SCD5: variants seen among roughly 807,000 people sequenced by gnomAD.
SCD5 encodes stearoyl-CoA desaturase 5.
In SCD5, 20 loss-of-function variants were observed where a neutral mutation model predicts 30.4. The observed-to-expected ratio is 0.66, with a 90% confidence interval of 0.46 to 0.96. SCD5 has a LOEUF of 0.96. Ranked by LOEUF, SCD5 falls within the 40% of genes least tolerant of loss-of-function variation. The pLI is 0.00. For synonymous variants in SCD5, 173 were observed against 176.4 expected (o/e 0.98, Z 0.16); for missense variants, 381 against 443.3 (o/e 0.86, Z 1.26).
At chr4:82,720,623 T>A (rs1720351315) in intron 1 of SCD5, among the ~76,000 whole-genome samples, 1 of 152,096 alleles carries the variant, frequency 6.6e-6, no homozygotes, top group Non-Finnish European at 1.5e-5. Context: ...TCCCCAATTG[T>A]GTCTGATGCT....
intron 1 of SCD5, among the ~76,000 whole-genome samples, chr4:82,778,857 A>C (rs902349058): frequency 2.3e-4 from 35 of 151,570 alleles, no homozygotes; most frequent in Non-Finnish European, 3.8e-4. Flanking sequence ...TAAGTTTGCC[A>C]ACTAGCTAAT....
chr4:82,631,281 T>G lies in SCD5; in HGVS notation c.*46A>C. The G allele has an allele frequency of 6.4e-7, 1 of 1,551,388 alleles. No homozygotes were observed. The highest frequency in any genetic ancestry group is 8.8e-7 in the Non-Finnish European group (1 of 1,135,340). On this transcript the variant is annotated 3_prime_UTR_variant, in exon 5 of 5. Transcript: ENST00000319540. ...AAGAGAGCTATTGTAACCAAAGCCATGAACCGAGGTTGCAACGGCAGACAT... is the reference window on the plus strand; with the variant it reads ...AAGAGAGCTATTGTAACCAAAGCCAGGAACCGAGGTTGCAACGGCAGACAT...
At chr4:82,778,528 T>C (rs1468181911) in intron 1 of SCD5, among the ~76,000 whole-genome samples, 1 of 152,218 alleles carries the variant, frequency 6.6e-6, no homozygotes, top group Non-Finnish European at 1.5e-5. Context: ...CTAGGGGCTA[T>C]TCCTGGCCAG....
Position 82,658,002 on chromosome 4 carries a change from T to C in SCD5, c.570-21179A>G, listed in dbSNP as rs1425266791. Among the ~76,000 whole-genome samples, 3 of 152,272 alleles carry C rather than the reference T, an allele frequency of 2.0e-5. No individual in the cohort carries two copies. The East Asian group carries it at 5.8e-4, about 29-fold the overall frequency. On this transcript the variant is annotated intron_variant, in intron 3 of 4. Transcript: ENST00000319540. ...AGCTTAAGGAGATTTTGGGCTAAGA[T>C]GATGGGGTTTTCTAAATATACAATC...
intron 1 of SCD5, among the ~76,000 whole-genome samples, chr4:82,718,107 A>G (rs1311400145): frequency 1.3e-5 from 2 of 150,716 alleles, no homozygotes; most frequent in African/African-American, 4.9e-5. Context: ...CAATCTCTCT[A>G]AGGGAATAAA....
At chr4:82,644,349 G>A (rs1223010485) in intron 3 of SCD5, among the ~76,000 whole-genome samples, 3 of 152,120 alleles carry the variant, frequency 2.0e-5, no homozygotes, top group Admixed American at 2.0e-4. Flanking sequence ...CCAAGGACCT[G>A]CTCCAGTAAA....
intron 3 of SCD5, among the ~76,000 whole-genome samples, chr4:82,650,477 CCT>C (rs1560524204): frequency 6.6e-6 from 1 of 152,176 alleles, no homozygotes; most frequent in Non-Finnish European, 1.5e-5. Flanking sequence ...CAGTGGATTA[CCT>C]GAGCCCAGGA....
chr4:82,757,796 G>A (rs1721264716), intron 1 of SCD5, among the ~76,000 whole-genome samples: 1 of 152,188 alleles, frequency 6.6e-6, no homozygotes, highest in South Asian at 2.1e-4. Flanking sequence ...CTTTGTACCT[G>A]GAACATCCTA....
chr4:82,767,628 G>C (rs567820549), intron 1 of SCD5, among the ~76,000 whole-genome samples: 2 of 152,286 alleles, frequency 1.3e-5, no homozygotes, highest in South Asian at 4.1e-4. Context: ...GGAAGCAGAA[G>C]CCTAAATTGT....
At chr4:82,688,802 T>C (rs1430010855) in intron 2 of SCD5, among the ~76,000 whole-genome samples, 2 of 152,266 alleles carry the variant, frequency 1.3e-5, no homozygotes, top group African/African-American at 4.8e-5. Flanking sequence ...AAATGTTTCA[T>C]ATTTTCTTCT....
chr4:82,680,728 G>A lies in SCD5; in HGVS notation c.548C>T (p.Pro183Leu). ...KLDVTDLLAD[P>L]VVRIQRKYYK... ...TTACTTTCTCTGGATCCGGACCACA[G>A]GATCAGCAAGCAGGTCAGTGACGTC... The change falls in exon 3 of 5, where the codon CCT (proline) becomes CTT (leucine). Residue 183 changes from proline to leucine, a missense_variant. By Grantham distance (98) the Pro-to-Leu change is moderately conservative. Transcript: ENST00000319540. The A allele has an allele frequency of 6.2e-7, 1 of 1,614,092 alleles. No homozygotes were observed.
chr4:82,653,457 C>T (rs953060621), intron 3 of SCD5, among the ~76,000 whole-genome samples: 2 of 152,140 alleles, frequency 1.3e-5, no homozygotes, highest in African/African-American at 4.8e-5. Flanking sequence ...ACTTGACCTT[C>T]AGGATCCAGA....
chr4:82,633,501 A>G (rs966152471), intron 4 of SCD5, among the ~76,000 whole-genome samples: 1 of 152,226 alleles, frequency 6.6e-6, no homozygotes, highest in Non-Finnish European at 1.5e-5. Context: ...TATACCCAGA[A>G]GTAGGATTGC....
At chr4:82,697,362 T>C (rs1382974601) in intron 2 of SCD5, among the ~76,000 whole-genome samples, 1 of 152,244 alleles carries the variant, frequency 6.6e-6, no homozygotes, top group Non-Finnish European at 1.5e-5. Flanking sequence ...CTAATCGCCT[T>C]AAAGTGGTTA....
intron 1 of SCD5, among the ~76,000 whole-genome samples, chr4:82,724,216 T>A (rs532021285): frequency 1.3e-5 from 2 of 152,348 alleles, no homozygotes; most frequent in South Asian, 4.1e-4. Context: ...TGACAGTTGA[T>A]AACAAATACC....
At chr4:82,669,605 T>TA (rs1314849332) in intron 3 of SCD5, among the ~76,000 whole-genome samples, 1 of 152,222 alleles carries the variant, frequency 6.6e-6, no homozygotes, top group Non-Finnish European at 1.5e-5. Context: ...GTCTGAAGGT[T>TA]AAAATCTCCA....
chr4:82,662,857 C>CAAAAAAAAAAAAAAAA (rs11340677), intron 3 of SCD5, among the ~76,000 whole-genome samples: 1 of 72,848 alleles, frequency 1.4e-5, no homozygotes, highest in Non-Finnish European at 2.8e-5. Context: ...AACTCCGTCT[C>CAAAAAAAAAAAAAAAA]AAAAAAAAAA....
At chr4:82,683,503 T>C (rs1399500414) in intron 2 of SCD5, among the ~76,000 whole-genome samples, 1 of 152,218 alleles carries the variant, frequency 6.6e-6, no homozygotes, top group Non-Finnish European at 1.5e-5. Flanking sequence ...GGCATTTCCT[T>C]GGTTCTCAGT....
intron 1 of SCD5, among the ~76,000 whole-genome samples, chr4:82,773,667 G>A (rs532097419): frequency 6.6e-6 from 1 of 152,254 alleles, no homozygotes; most frequent in African/African-American, 2.4e-5. Context: ...CCTTGATGTG[G>A]GGAGTTTCTA....
Sources: gnomAD v4.1 joint callset for allele counts (sites outside exome capture counted in the v4.1 genomes callset) on GRCh38, gnomAD v4.1.1 for gene constraint, MANE v1.5 for transcripts, NCBI Gene and HGNC (gene_info 2026-07-23, HGNC 2026-07-21) for gene names.